The following CDH17 variants were observed in gnomAD, a reference collection of about 807,000 sequenced individuals.
CDH17 encodes the protein cadherin 17.
CDH17 carries 67 observed loss-of-function variants against 86.3 expected under a neutral mutation model. That is an observed-to-expected ratio of 0.78 (90% CI 0.64 to 0.95). CDH17 has a LOEUF of 0.95. CDH17 is among the 40% of genes least tolerant of loss of function. The pLI, the probability that CDH17 is intolerant of heterozygous loss-of-function variation, is 0.00. For synonymous variants in CDH17, 367 were observed against 366.4 expected, an observed-to-expected ratio of 1.00 and a Z score of -0.02; for missense variants, 993 against 1,017.6, an observed-to-expected ratio of 0.98 and a Z score of 0.33.
chr8:94,154,957 G>T (rs113413512), intron 12 of CDH17, among the ~76,000 whole-genome samples: 2 of 152,108 alleles, frequency 1.3e-5, no homozygotes, highest in East Asian at 3.9e-4. Context: ...CCCCTTTCCC[G>T]CATGCATGCA....
At chr8:94,144,040 C>A (rs1266196989) in intron 15 of CDH17, among the ~76,000 whole-genome samples, 1 of 152,200 alleles carries the variant, frequency 6.6e-6, no homozygotes, top group African/African-American at 2.4e-5. Flanking sequence ...AACATAACAT[C>A]CTCACTAAGC....
intron 3 of CDH17, among the ~76,000 whole-genome samples, chr8:94,188,653 C>T (rs1207558255): frequency 6.6e-6 from 1 of 152,204 alleles, no homozygotes; most frequent in Non-Finnish European, 1.5e-5. Context: ...CACCTGCAGA[C>T]TGCCCCTCCA....
In CDH17 at chr8:94,128,268, G is replaced by A. The variant is rs760297960; in HGVS notation, c.2471C>T (p.Ala824Val). Residue 824 changes from alanine (A) to valine (V), a missense_variant, in exon 18 of 18, where the codon GCA becomes GTA. Physicochemically the swap from Ala to Val is moderately conservative, Grantham distance 64. Coordinates refer to ENST00000027335, the MANE Select transcript of CDH17 (RefSeq NM_004063.4). ...KGKDNVESAQ[A>V]SEVKPLRS is the part of the protein sequence containing the mutation. ...GCTTCTCAGAGGTTTGACTTCAGAT[G>A]CTTGAGCACTTTCAACATTATCTTT... 2.5e-5 allele frequency: 41 copies of A among 1,612,932 alleles called. No homozygotes were observed. Among genetic ancestry groups the A allele is most frequent in the Non-Finnish European group, 3.2e-5 (38 of 1,179,230 alleles).
Position 94,176,547 on chromosome 8 carries a change from G to T in CDH17, c.418C>A (p.Arg140Ser). ...TCTGGCCCCTGCCTGTTACCTGGGCGAGAGTTCTGCCTTACTGAGCCTTCG... is the reference window on the plus strand; with the variant it reads ...TCTGGCCCCTGCCTGTTACCTGGGCTAGAGTTCTGCCTTACTGAGCCTTCG... Reference protein sequence around the residue: ...KYEGSVRQNSRPGKPFLYVNA... With the variant: ...KYEGSVRQNSSPGKPFLYVNA... The change falls in exon 5 of 18, where the codon CGC becomes AGC. Residue 140 changes from arginine to serine, a missense_variant. By Grantham distance (110) the Arg-to-Ser change is moderately radical. Coordinates refer to ENST00000027335, the MANE Select transcript of CDH17 (RefSeq NM_004063.4). 3.1e-6 allele frequency: 5 copies of T among 1,613,656 alleles called. No homozygotes were observed. Among genetic ancestry groups the T allele is most frequent in the Non-Finnish European group, 4.2e-6 (5 of 1,179,696 alleles).
intron 13 of CDH17, 77 bp downstream of exon 13, chr8:94,151,791 T>C: frequency 6.3e-7 from 1 of 1,581,550 alleles, no homozygotes; most frequent in East Asian, 2.2e-5. Context: ...CTGGAGTCAG[T>C]GCAGGCCAGC....
chr8:94,168,116 A>G (rs1156618737), intron 9 of CDH17, among the ~76,000 whole-genome samples: 1 of 22,404 alleles, frequency 4.5e-5, no homozygotes, highest in African/African-American at 1.6e-4. Flanking sequence ...ATATATATAT[A>G]TATATATATA....
At chr8:94,136,270 C>T (rs1812523794) in intron 15 of CDH17, among the ~76,000 whole-genome samples, 1 of 152,188 alleles carries the variant, frequency 6.6e-6, no homozygotes, top group Non-Finnish European at 1.5e-5. Context: ...GTTTCATTCT[C>T]CCCGTCACTT....
intron 3 of CDH17, among the ~76,000 whole-genome samples, chr8:94,184,805 A>T (rs1457957244): frequency 6.6e-6 from 1 of 152,208 alleles, no homozygotes; most frequent in Admixed American, 6.5e-5. Flanking sequence ...TGGTGAGTAC[A>T]GAGCTGGCAC....
chr8:94,137,587 G>A (rs1344147625), intron 15 of CDH17, among the ~76,000 whole-genome samples: 1 of 152,100 alleles, frequency 6.6e-6, no homozygotes, highest in Non-Finnish European at 1.5e-5. Flanking sequence ...CCTCACCCTT[G>A]TGCTTCCTAG....
intron 5 of CDH17, among the ~76,000 whole-genome samples, chr8:94,175,975 A>G (rs1813363215): frequency 2.6e-5 from 4 of 152,126 alleles, no homozygotes; most frequent in African/African-American, 9.7e-5. Context: ...TGCAGCCTCA[A>G]TCTCCTGGGA....
intron 5 of CDH17, among the ~76,000 whole-genome samples, chr8:94,174,847 A>G (rs1813341654): frequency 6.6e-6 from 1 of 152,222 alleles, no homozygotes; most frequent in Non-Finnish European, 1.5e-5. Context: ...GATTAACACA[A>G]TGCCATTTTT....
chr8:94,143,908 T>C (rs1045760619), intron 15 of CDH17, among the ~76,000 whole-genome samples: 1 of 152,224 alleles, frequency 6.6e-6, no homozygotes, highest in African/African-American at 2.4e-5. Context: ...AAGGCTATTT[T>C]GCTTTTTTAT....
chr8:94,168,560 C>T (rs1453481209), intron 9 of CDH17, among the ~76,000 whole-genome samples: 1 of 152,094 alleles, frequency 6.6e-6, no homozygotes, highest in African/African-American at 2.4e-5. Flanking sequence ...CCCTTTTAAG[C>T]TTACATATAT....
chr8:94,169,869 CT>C (rs1309543079), intron 9 of CDH17, among the ~76,000 whole-genome samples: 1 of 152,164 alleles, frequency 6.6e-6, no homozygotes, highest in Admixed American at 6.5e-5. Flanking sequence ...TGGGATTTGA[CT>C]TCATCTAGCA....
Position 94,162,112 on chromosome 8 carries a change from G to C in CDH17, c.1333C>G (p.Gln445Glu). ...TCTGATTTTTCAAAGATGGGGATCT[G>C]ATCATTGATATCAATAACGTTGATT... ...VQINVIDIND[Q>E]IPIFEKSDYG... The change falls in exon 11 of 18, where the codon CAG (glutamine) becomes GAG (glutamate). Residue 445 changes from glutamine (Q) to glutamate (E), a missense_variant. Physicochemically the swap from Gln to Glu is conservative, Grantham distance 29 (BLOSUM62 2). Coordinates refer to ENST00000027335, the MANE Select transcript of CDH17 (RefSeq NM_004063.4). 6.2e-7 allele frequency: 1 copy of C among 1,604,332 alleles called. No individual in the cohort carries two copies. The highest frequency in any genetic ancestry group is 8.5e-7 in the Non-Finnish European group (1 of 1,171,346).
At chr8:94,182,295 T>C (rs1480390367) in intron 3 of CDH17, among the ~76,000 whole-genome samples, 1 of 152,108 alleles carries the variant, frequency 6.6e-6, no homozygotes, top group Non-Finnish European at 1.5e-5. Context: ...AATATCCTGA[T>C]ACCCAAACCA....
chr8:94,156,720 G>GGAAA (rs1426920222), intron 12 of CDH17, among the ~76,000 whole-genome samples: 1 of 152,128 alleles, frequency 6.6e-6, no homozygotes, highest in Non-Finnish European at 1.5e-5. Flanking sequence ...AGGCAACAGG[G>GGAAA]GAAAGCATAC....
Position 94,165,996 on chromosome 8 carries a change from G to A in CDH17, c.1067-20C>T, listed in dbSNP as rs1343071369. The A allele has an allele frequency of 2.0e-6, 3 of 1,487,688 alleles. No homozygotes were observed. The Admixed American group carries it at 5.1e-5, about 25-fold the overall frequency. 92.2% of individuals were successfully genotyped at this position (1,487,688 alleles called of 1,614,324 possible). ...TGTTACCTATGAGGAAGGAAAGAAG[G>A]AAAACCCACCATTACAGGCTCCACA... On this transcript the variant is annotated intron_variant, in intron 9 of 17. Transcript: ENST00000027335.
intron 17 of CDH17, 122 bp downstream of exon 17, chr8:94,130,504 G>T: frequency 1.6e-6 from 1 of 623,182 alleles, no homozygotes. Context: ...TCTACCTTCT[G>T]GGCTATTGCC....
Sources: gnomAD v4.1 joint callset for allele counts (sites outside exome capture counted in the v4.1 genomes callset) on GRCh38, gnomAD v4.1.1 for gene constraint, MANE v1.5 for transcripts, NCBI Gene and HGNC (gene_info 2026-07-23, HGNC 2026-07-21) for gene names.